The following CCDC7 variants were observed in gnomAD, a reference collection of about 807,000 sequenced individuals.
CCDC7 encodes the protein coiled-coil domain-containing protein 7.
CCDC7 carries 183 observed loss-of-function variants against 196.9 expected under a neutral mutation model. The observed-to-expected ratio is 0.93, with a 90% CI of 0.82 to 1.05. The LOEUF is 1.05. Ranked by LOEUF, CCDC7 falls within the 50% of genes least tolerant of loss-of-function variation. CCDC7 has a pLI of 0.00. For synonymous variants in CCDC7, 525 were observed against 484.6 expected, an observed-to-expected ratio of 1.08 and a Z score of -1.10; for missense variants, 1,540 against 1,482.2, an observed-to-expected ratio of 1.04 and a Z score of -0.64.
chr10:32,559,922 GA>G (rs1564647561), intron 13 of CCDC7, among the ~76,000 whole-genome samples: 1 of 152,092 alleles, frequency 6.6e-6, no homozygotes, highest in African/African-American at 2.4e-5. Context: ...TGAAAACTTT[GA>G]AAAAAATTTA....
chr10:32,734,300 A>G (rs770237138), intron 28 of CCDC7, among the ~76,000 whole-genome samples: 17 of 152,216 alleles, frequency 1.1e-4, no homozygotes, highest in Non-Finnish European at 2.2e-4. Context: ...AGGAACATGG[A>G]TGGAGCTGGA....
chr10:32,668,428 G>A (rs2073307349), intron 21 of CCDC7, among the ~76,000 whole-genome samples: 1 of 151,926 alleles, frequency 6.6e-6, no homozygotes, highest in Non-Finnish European at 1.5e-5. Context: ...TGGTGAGAGA[G>A]GGCATCCCTG....
chr10:32,660,176 C>T (rs1324940447), intron 20 of CCDC7, among the ~76,000 whole-genome samples: 2 of 148,032 alleles, frequency 1.4e-5, no homozygotes, highest in African/African-American at 2.5e-5. Flanking sequence ...GCACATTGTG[C>T]AGGTTAGTTA....
At position 32,711,674 on chromosome 10, in the gene CCDC7, C is replaced by G; in HGVS notation, c.2513C>G (p.Ser838Ter). The G allele has an allele frequency of 6.3e-7, 1 of 1,596,154 alleles. No individual in the cohort carries two copies. Among genetic ancestry groups the G allele is most frequent in the Non-Finnish European group, 8.5e-7 (1 of 1,173,810 alleles). ...ATGCTTAAACATCAAGATTCAGTGTCAAAAATCCAAGTGCAATTAGAGATT... is the reference window on the plus strand; with the variant it reads ...ATGCTTAAACATCAAGATTCAGTGTGAAAAATCCAAGTGCAATTAGAGATT... Residue 838 changes from serine (S) to a stop codon, truncating the protein, a stop_gained, in exon 25 of 42, where the codon TCA becomes TGA. Coordinates refer to ENST00000639629, the Ensembl canonical transcript of CCDC7. LOFTEE classifies it high-confidence loss of function.
chr10:32,542,414 C>T (rs1189609487), intron 11 of CCDC7, among the ~76,000 whole-genome samples: 7 of 152,014 alleles, frequency 4.6e-5, no homozygotes, highest in Non-Finnish European at 8.8e-5. Context: ...GGGCGGATCA[C>T]CAGAGGTCAG....
intron 5 of CCDC7, among the ~76,000 whole-genome samples, chr10:32,467,892 T>A (rs2037168787): frequency 6.6e-6 from 1 of 152,216 alleles, no homozygotes; most frequent in Non-Finnish European, 1.5e-5. Context: ...ATCAGATAGT[T>A]GTAGGTGTGC....
chr10:32,864,387 T>A (rs1276773688), intron 41 of CCDC7, among the ~76,000 whole-genome samples: 3 of 151,664 alleles, frequency 2.0e-5, no homozygotes, highest in Admixed American at 6.6e-5. Context: ...TCAAAAAAAA[T>A]TGTAATTATA....
At chr10:32,772,338 C>A (rs758133051) in intron 28 of CCDC7, among the ~76,000 whole-genome samples, 10 of 152,192 alleles carry the variant, frequency 6.6e-5, no homozygotes, top group Non-Finnish European at 1.3e-4. Context: ...CCACTGACAG[C>A]AGAAAGCTGA....
At chr10:32,489,382 G>A (rs751033303) in intron 8 of CCDC7, among the ~76,000 whole-genome samples, 30 of 152,284 alleles carry the variant, frequency 2.0e-4, no homozygotes, top group Non-Finnish European at 3.7e-4. Context: ...AGCAACAGTT[G>A]CGTGGGCTAG....
At chr10:32,455,659 G>A (rs1195254799) in intron 2 of CCDC7, among the ~76,000 whole-genome samples, 2 of 152,142 alleles carry the variant, frequency 1.3e-5, no homozygotes, top group Non-Finnish European at 2.9e-5. Flanking sequence ...ATTCTTCATG[G>A]AGAACCACTC....
chr10:32,830,713 G>A (rs547153649), intron 32 of CCDC7, among the ~76,000 whole-genome samples: 1 of 152,264 alleles, frequency 6.6e-6, no homozygotes, highest in Admixed American at 6.5e-5. Context: ...CACTAGAGGG[G>A]CTCAAGAGTA....
chr10:32,698,529 A>G (rs896252385), intron 24 of CCDC7, among the ~76,000 whole-genome samples: 1 of 152,242 alleles, frequency 6.6e-6, no homozygotes, highest in African/African-American at 2.4e-5. Context: ...GGAGCTGAAA[A>G]CCATGGCACG....
chr10:32,738,915 A>AT (rs139155695), intron 28 of CCDC7, among the ~76,000 whole-genome samples: 151 of 151,884 alleles, frequency 9.9e-4, no homozygotes, highest in African/African-American at 3.2e-3. Flanking sequence ...AAATTATGTC[A>AT]TTTTTTTTCT....
At chr10:32,582,139 T>TATATATATATATAC (rs1201465796) in intron 16 of CCDC7, among the ~76,000 whole-genome samples, 1 of 131,054 alleles carries the variant, frequency 7.6e-6, no homozygotes, top group African/African-American at 2.8e-5. Context: ...TATATATATA[T>TATATATATATATAC]ACTTTTTTTT....
At chr10:32,869,223 A>C (rs2094330676) in intron 41 of CCDC7, among the ~76,000 whole-genome samples, 2 of 152,144 alleles carry the variant, frequency 1.3e-5, no homozygotes, top group African/African-American at 4.8e-5. Context: ...CATCCTCTCC[A>C]GCACCTGTTG....
At chr10:32,811,984 G>A (rs1433825796) in intron 30 of CCDC7, among the ~76,000 whole-genome samples, 1 of 152,026 alleles carries the variant, frequency 6.6e-6, no homozygotes, top group African/African-American at 2.4e-5. Flanking sequence ...CTCAGTAGAT[G>A]CAGAAAAAAC....
intron 41 of CCDC7, among the ~76,000 whole-genome samples, chr10:32,875,609 T>C (rs1352331358): frequency 6.6e-6 from 1 of 152,036 alleles, no homozygotes; most frequent in African/African-American, 2.4e-5. Context: ...AAGTCCTTTA[T>C]ATTTAGATCT....
At chr10:32,831,525 A>G (rs1026838144) in intron 32 of CCDC7, among the ~76,000 whole-genome samples, 2 of 152,218 alleles carry the variant, frequency 1.3e-5, no homozygotes, top group Non-Finnish European at 2.9e-5. Context: ...TAAAACACAC[A>G]TTGTACAGTT....
chr10:32,694,743 A>T, intron 23 of CCDC7, 136 bp from the exon 25 acceptor site: 1 of 514,924 alleles, frequency 1.9e-6, no homozygotes, highest in Non-Finnish European at 3.5e-6. Flanking sequence ...GTCATGTCAC[A>T]TCTGGATTTC....
Sources: gnomAD v4.1 joint callset for allele counts (sites outside exome capture counted in the v4.1 genomes callset) on GRCh38, gnomAD v4.1.1 for gene constraint, MANE v1.5 for transcripts, NCBI Gene and HGNC (gene_info 2026-07-23, HGNC 2026-07-21) for gene names.